NELL2: variants seen among roughly 807,000 people sequenced by gnomAD.
The protein encoded by NELL2 is protein kinase C-binding protein NELL2.
In NELL2, 41 loss-of-function variants were observed where a neutral mutation model predicts 109.6. The ratio of observed to expected loss-of-function variants is 0.37; its 90% CI spans 0.29 to 0.49. NELL2 has a LOEUF of 0.49. NELL2 is among the 20% of genes least tolerant of loss of function. The pLI is 0.98. For missense variants in NELL2, 900 were observed against 1,008.3 expected, an observed-to-expected ratio of 0.89 and a Z score of 1.45; for synonymous variants, 355 against 344.7, an observed-to-expected ratio of 1.03 and a Z score of -0.33.
At chr12:44,703,687 A>G in intron 12 of NELL2, 39 bp downstream of exon 12, 1 of 1,608,894 alleles carries the variant, frequency 6.2e-7, no homozygotes, top group Non-Finnish European at 8.5e-7. Context: ...AATCCTAGAA[A>G]ATTTATACAG....
chr12:44,853,015 T>C (rs1044377349), intron 2 of NELL2, among the ~76,000 whole-genome samples: 3 of 152,154 alleles, frequency 2.0e-5, no homozygotes, highest in African/African-American at 7.2e-5. Flanking sequence ...GCAATAAATA[T>C]ACATTTACTC....
At chr12:44,666,598 A>G (rs1947933595) in intron 12 of NELL2, among the ~76,000 whole-genome samples, 1 of 152,218 alleles carries the variant, frequency 6.6e-6, no homozygotes, top group Admixed American at 6.5e-5. Context: ...CGCCCTGAGA[A>G]TGTCAAAAGA....
intron 16 of NELL2, among the ~76,000 whole-genome samples, chr12:44,531,275 T>C (rs1488719861): frequency 1.3e-5 from 2 of 152,230 alleles, no homozygotes; most frequent in Non-Finnish European, 2.9e-5. Context: ...TCATTCTTTA[T>C]GTGCATAAAT....
At chr12:44,633,950 A>T (rs1296292761) in intron 13 of NELL2, among the ~76,000 whole-genome samples, 1 of 152,156 alleles carries the variant, frequency 6.6e-6, no homozygotes, top group Non-Finnish European at 1.5e-5. Flanking sequence ...ATATTCAGAC[A>T]TAATAAAAGG....
intron 15 of NELL2, among the ~76,000 whole-genome samples, chr12:44,569,383 C>T (rs1457422060): frequency 6.6e-6 from 1 of 152,080 alleles, no homozygotes; most frequent in Non-Finnish European, 1.5e-5. Flanking sequence ...ATTTACACTC[C>T]TTTGGATATA....
At chr12:44,709,545 C>T (rs755486976) in intron 11 of NELL2, among the ~76,000 whole-genome samples, 7 of 152,288 alleles carry the variant, frequency 4.6e-5, no homozygotes, top group South Asian at 2.1e-4. Flanking sequence ...CAAGCCCTGT[C>T]TGAATTCCTG....
intron 13 of NELL2, among the ~76,000 whole-genome samples, chr12:44,649,311 G>A (rs746907064): frequency 1.5e-4 from 23 of 151,096 alleles, no homozygotes; most frequent in Non-Finnish European, 2.5e-4. Context: ...CACCCACTGC[G>A]TGATTCCAGG....
chr12:44,682,453 T>A (rs567463847), intron 12 of NELL2, among the ~76,000 whole-genome samples: 8,578 of 151,694 alleles, frequency 0.057, 808 homozygotes, highest in African/African-American at 0.2. Context: ...TTGGCTTTTG[T>A]TGCCATTGCT....
chr12:44,609,123 TTTTG>T (rs1945514539), intron 14 of NELL2, among the ~76,000 whole-genome samples: 1 of 151,850 alleles, frequency 6.6e-6, no homozygotes, highest in Non-Finnish European at 1.5e-5. Flanking sequence ...TTTTGTTTTG[TTTTG>T]TTTTTGTTTG....
rs184102069 is a variant in NELL2, at chr12:44,825,099, G to C, written c.185-8963C>G. On this transcript the variant is annotated intron_variant, in intron 2 of 19. Transcript: ENST00000429094. ...CTGCTTTGGCTATTTGGGGTCTTTT[G>C]TAATTTGATACAAATTTTAGGATTG... Among the ~76,000 whole-genome samples, 55 of 152,192 alleles carry C rather than the reference G, an allele frequency of 3.6e-4. No homozygotes were observed. The East Asian group carries it at 8.7e-3, about 24-fold the overall frequency.
intron 15 of NELL2, among the ~76,000 whole-genome samples, chr12:44,551,394 T>C (rs1943039710): frequency 6.6e-6 from 1 of 152,206 alleles, no homozygotes; most frequent in South Asian, 2.1e-4. Context: ...CACATTTACA[T>C]TAATTTATTC....
intron 9 of NELL2, among the ~76,000 whole-genome samples, chr12:44,750,457 T>C (rs1396031952): frequency 6.6e-6 from 1 of 152,128 alleles, no homozygotes; most frequent in Non-Finnish European, 1.5e-5. Context: ...CATGCAGCCA[T>C]ATTATGTAAA....
chr12:44,852,155 T>A (rs1215337788), intron 2 of NELL2, among the ~76,000 whole-genome samples: 1 of 152,230 alleles, frequency 6.6e-6, no homozygotes, highest in Non-Finnish European at 1.5e-5. Flanking sequence ...TTTGATTTAC[T>A]CTTTTTCTTT....
chr12:44,575,197 C>A (rs1419681599), intron 15 of NELL2, among the ~76,000 whole-genome samples: 1 of 152,166 alleles, frequency 6.6e-6, no homozygotes, highest in Non-Finnish European at 1.5e-5. Context: ...ATGAATGACT[C>A]AAAAATAAAT....
chr12:44,860,873 T>C (rs1366245205), intron 2 of NELL2, among the ~76,000 whole-genome samples: 1 of 152,156 alleles, frequency 6.6e-6, no homozygotes, highest in Non-Finnish European at 1.5e-5. Context: ...TCACATCCAT[T>C]GTACATGCAA....
chr12:44,579,387 T>G (rs1027967299), intron 15 of NELL2, among the ~76,000 whole-genome samples: 3 of 152,210 alleles, frequency 2.0e-5, no homozygotes, highest in African/African-American at 7.2e-5. Flanking sequence ...AGACCCCAGT[T>G]TGCTGTGCCA....
At chr12:44,853,259 A>C (rs1944583550) in intron 2 of NELL2, among the ~76,000 whole-genome samples, 1 of 152,194 alleles carries the variant, frequency 6.6e-6, no homozygotes, top group Non-Finnish European at 1.5e-5. Context: ...ATTTCAGTGA[A>C]GACAATCCAG....
rs1236082416 is a variant in NELL2, at chr12:44,561,705, G to T, written c.1664-28984C>A. Among the ~76,000 whole-genome samples the T allele has an allele frequency of 2.0e-5, 3 of 152,140 alleles. No homozygotes were observed. In the East Asian group the frequency reaches 5.8e-4, roughly 29 times the overall value. ...AAAGGTAAAAACATTCCATGCTCAT[G>T]GATAGGAAGAATCAATATAGTGAAA... On this transcript the variant is annotated intron_variant, in intron 15 of 19. Transcript: ENST00000429094.
chr12:44,911,720 C>A (rs895038108), intron 1 of NELL2, among the ~76,000 whole-genome samples: 2 of 151,656 alleles, frequency 1.3e-5, no homozygotes, highest in African/African-American at 4.8e-5. Context: ...GCCTTCGAGT[C>A]ACCGATAAAC....
Sources: allele counts gnomAD v4.1 joint callset (sites outside exome capture counted in the v4.1 genomes callset), GRCh38; gene constraint gnomAD v4.1.1; transcripts MANE v1.5; gene names NCBI Gene and HGNC (gene_info 2026-07-23, HGNC 2026-07-21).